The following ALK variants were observed in gnomAD, a reference collection of about 807,000 sequenced individuals.
ALK encodes ALK tyrosine kinase receptor.
A neutral mutation model predicts 163.1 loss-of-function variants in ALK; 74 were observed. The ratio of observed to expected loss-of-function variants is 0.45; its 90% confidence interval spans 0.38 to 0.55. The LOEUF (loss-of-function observed/expected upper bound fraction) is 0.55, where lower values mean the gene tolerates loss of function less well. ALK is among the 20% of genes least tolerant of loss of function. ALK has a pLI of 0.00. For missense variants in ALK, 2,063 were observed against 2,105.3 expected, an observed-to-expected ratio of 0.98 and a Z score of 0.39; for synonymous variants, 960 against 843.2, an observed-to-expected ratio of 1.14 and a Z score of -2.40.
At chr2:29,581,336 C>T (rs1224177963) in intron 3 of ALK, among the ~76,000 whole-genome samples, 6 of 152,000 alleles carry the variant, frequency 3.9e-5, no homozygotes, top group Non-Finnish European at 5.9e-5. Flanking sequence ...TGCAGTGAGC[C>T]GAGATTGTGC....
chr2:29,630,147 G>A (rs1171312854), intron 3 of ALK, among the ~76,000 whole-genome samples: 6 of 152,162 alleles, frequency 3.9e-5, no homozygotes, highest in Admixed American at 3.3e-4. Flanking sequence ...TAAGCACGGA[G>A]GAGGTGAGGT....
intron 3 of ALK, among the ~76,000 whole-genome samples, chr2:29,609,061 T>A (rs752315390): frequency 6.6e-6 from 1 of 152,146 alleles, no homozygotes; most frequent in Non-Finnish European, 1.5e-5. Flanking sequence ...GTAGCTGAGA[T>A]GACAGGCACA....
At chr2:29,468,853 CAAAAA>C (rs70958265) in intron 4 of ALK, among the ~76,000 whole-genome samples, 1 of 30,910 alleles carries the variant, frequency 3.2e-5, no homozygotes, top group Non-Finnish European at 5.6e-5. Context: ...GACCCTGCCT[CAAAAA>C]AAAAAAAAAA....
At chr2:29,318,555 C>G in intron 7 of ALK, 151 bp from the exon 8 acceptor site, 1 of 645,458 alleles carries the variant, frequency 1.5e-6, no homozygotes, top group Non-Finnish European at 2.8e-6. Context: ...AGAAAGCCCA[C>G]CTGTCAACAA....
intron 9 of ALK, among the ~76,000 whole-genome samples, chr2:29,291,550 T>G (rs1000333335): frequency 1.3e-5 from 2 of 152,130 alleles, no homozygotes; most frequent in African/African-American, 4.8e-5. Context: ...GGGGATTAAT[T>G]ATAATATCTA....
At chr2:29,770,368 C>T (rs1487903469) in intron 1 of ALK, among the ~76,000 whole-genome samples, 3 of 152,190 alleles carry the variant, frequency 2.0e-5, no homozygotes, top group Non-Finnish European at 4.4e-5. Flanking sequence ...CAAAGTCGTC[C>T]AGTCACACCC....
intron 1 of ALK, among the ~76,000 whole-genome samples, chr2:29,906,380 C>T (rs1398431026): frequency 6.6e-6 from 1 of 152,074 alleles, no homozygotes; most frequent in Non-Finnish European, 1.5e-5. Context: ...GTCTAACATA[C>T]TGAAGCTGCC....
intron 26 of ALK, 61 bp from the exon 27 acceptor site, chr2:29,197,737 ACACACAGG>A: frequency 2.3e-6 from 3 of 1,309,300 alleles, no homozygotes; most frequent in South Asian, 2.4e-5. Context: ...ATTCACACAC[ACACACAGG>A]CACACAGACA....
chr2:29,732,854 C>T (rs148461040), intron 1 of ALK, among the ~76,000 whole-genome samples: 24 of 151,892 alleles, frequency 1.6e-4, no homozygotes, highest in African/African-American at 5.6e-4. Flanking sequence ...ATCTCTAGGA[C>T]TGTGAACAAT....
At chr2:29,545,657 G>T (rs571603510) in intron 3 of ALK, among the ~76,000 whole-genome samples, 2 of 152,156 alleles carry the variant, frequency 1.3e-5, no homozygotes, top group African/African-American at 4.8e-5. Context: ...CCTCTGTCTC[G>T]ATGTCAAATA....
rs571135895 is a variant in ALK at position 29,349,381 on chromosome 2, T to G, written c.1283-20900A>C. Among the ~76,000 whole-genome samples the G allele has an allele frequency of 7.0e-4, 107 of 152,316 alleles. 1 individual carries two copies. The highest frequency in any genetic ancestry group is 2.4e-3 in the African/African-American group (101 of 41,558). On this transcript the variant is annotated intron_variant, in intron 5 of 28. Coordinates refer to ENST00000389048, the MANE Select transcript of ALK (RefSeq NM_004304.5). The stretch of plus-strand genomic sequence containing the variant: ...TCAGGGGAAAGTCATTTCAAACTGC[T>G]TGTTTGTGATTGCTGCCTCATAGGC...
chr2:29,657,865 G>C (rs548216043), intron 3 of ALK, among the ~76,000 whole-genome samples: 1 of 152,258 alleles, frequency 6.6e-6, no homozygotes, highest in African/African-American at 2.4e-5. Context: ...TTGGCAACTG[G>C]TGTTAGGGAA....
At chr2:29,800,382 A>C (rs568530850) in intron 1 of ALK, among the ~76,000 whole-genome samples, 1 of 152,238 alleles carries the variant, frequency 6.6e-6, no homozygotes, top group Non-Finnish European at 1.5e-5. Context: ...AAGCTCAGGC[A>C]AGGAATGTGA....
At chr2:29,230,198 A>G (rs1573136436) in intron 15 of ALK, among the ~76,000 whole-genome samples, 2 of 152,200 alleles carry the variant, frequency 1.3e-5, no homozygotes, top group East Asian at 3.8e-4. Flanking sequence ...TCTAGATTAC[A>G]TATAATACCC....
At position 29,617,329 on chromosome 2, in the gene ALK, A is replaced by T. The variant is rs115235477; in HGVS notation, c.952+77521T>A. On this transcript the variant is annotated intron_variant, in intron 3 of 28. Transcript: ENST00000389048. ...AGCTCCTCACAAAGCATCAGGAATC[A>T]TTTAGTGGTGGGAAAGCTTTGTGCA... Among the ~76,000 whole-genome samples, 788 of 152,328 alleles carry T rather than the reference A, an allele frequency of 5.2e-3. 8 individuals carry two copies. The highest frequency in any genetic ancestry group is 0.017 in the African/African-American group (694 of 41,574).
intron 1 of ALK, among the ~76,000 whole-genome samples, chr2:29,849,420 T>C (rs4077448): frequency 0.3 from 46,076 of 152,016 alleles, 7,471 homozygotes; most frequent in East Asian, 0.54. Flanking sequence ...GTGGCAGAAT[T>C]ACAGGAGGCA....
chr2:29,742,814 C>T (rs1680097051), intron 1 of ALK, among the ~76,000 whole-genome samples: 1 of 152,088 alleles, frequency 6.6e-6, no homozygotes, highest in Non-Finnish European at 1.5e-5. Flanking sequence ...TAGAGCAGCC[C>T]AGAGCAAGAG....
intron 1 of ALK, among the ~76,000 whole-genome samples, chr2:29,891,647 C>T (rs1205164261): frequency 6.6e-6 from 1 of 152,108 alleles, no homozygotes; most frequent in South Asian, 2.1e-4. Flanking sequence ...TAAGAAAATG[C>T]TGAATTCTGA....
intron 4 of ALK, among the ~76,000 whole-genome samples, chr2:29,417,213 C>G (rs1433038660): frequency 1.3e-5 from 2 of 152,068 alleles, no homozygotes; most frequent in Non-Finnish European, 2.9e-5. Context: ...TGGTCTTGAT[C>G]TCCTGACCTT....
Sources: allele counts gnomAD v4.1 joint callset (sites outside exome capture counted in the v4.1 genomes callset), GRCh38; gene constraint gnomAD v4.1.1; transcripts MANE v1.5; gene names NCBI Gene and HGNC (gene_info 2026-07-23, HGNC 2026-07-21).